ADAM23: variants seen among roughly 807,000 people sequenced by gnomAD.
ADAM23 encodes ADAM metallopeptidase domain 23.
ADAM23 carries 33 observed loss-of-function variants against 120.1 expected under a neutral mutation model. The ratio of observed to expected loss-of-function variants is 0.27; its 90% CI spans 0.21 to 0.37. The LOEUF is 0.37. ADAM23 is among the 10% of genes least tolerant of loss of function. The pLI is 1.00. For missense variants in ADAM23, 862 were observed against 1,058.2 expected, an observed-to-expected ratio of 0.81 and a Z score of 2.57; for synonymous variants, 367 against 375.2, an observed-to-expected ratio of 0.98 and a Z score of 0.25.
At chr2:206,603,376 C>G (rs1031858114) in intron 24 of ADAM23, among the ~76,000 whole-genome samples, 1 of 152,074 alleles carries the variant, frequency 6.6e-6, no homozygotes, top group Non-Finnish European at 1.5e-5. Context: ...AGAACAAAAG[C>G]AAAGCAGAAT....
At chr2:206,486,376 AT>A (rs1011131467) in intron 3 of ADAM23, among the ~76,000 whole-genome samples, 1 of 148,104 alleles carries the variant, frequency 6.8e-6, no homozygotes, top group Non-Finnish European at 1.5e-5. Flanking sequence ...CATTTTAGAT[AT>A]TTTTTATTTT....
chr2:206,496,751 C>T (rs545250474), intron 3 of ADAM23, among the ~76,000 whole-genome samples: 1 of 152,172 alleles, frequency 6.6e-6, no homozygotes, highest in East Asian at 1.9e-4. Flanking sequence ...TGATAGACTG[C>T]TAGCAAGACT....
chr2:206,546,742 A>G (rs1311701581), intron 6 of ADAM23, among the ~76,000 whole-genome samples: 1 of 152,160 alleles, frequency 6.6e-6, no homozygotes, highest in Non-Finnish European at 1.5e-5. Flanking sequence ...CTTTATTTGT[A>G]AAATAGGGAT....
chr2:206,609,946 C>A lies in ADAM23; in HGVS notation c.2396C>A (p.Ala799Asp). The change falls in exon 25 of 26, where the codon GCT (alanine) becomes GAT (aspartate). Residue 799 changes from alanine to aspartate, a missense_variant. Ala to Asp is a moderately radical substitution (Grantham distance 126, BLOSUM62 -2). Around this residue, in one of 4 missense-constraint regions of ADAM23, gnomAD observed 617 missense variants for 813.5 expected, o/e 0.76. Coordinates refer to ENST00000264377, the MANE Select transcript of ADAM23 (RefSeq NM_003812.4). ...ACCAATCTCATAATAGGCTCCATCGCTGGTGCCATCCTGGTAGCAGCTATT... is the reference window on the plus strand; with the variant it reads ...ACCAATCTCATAATAGGCTCCATCGATGGTGCCATCCTGGTAGCAGCTATT... ...SATNLIIGSI[A>D]GAILVAAIVL... is the part of the protein sequence containing the mutation. 6.2e-7 allele frequency: 1 copy of A among 1,601,002 alleles called. No individual in the cohort carries two copies. Among genetic ancestry groups the A allele is most frequent in the Non-Finnish European group, 8.5e-7 (1 of 1,175,782 alleles).
At position 206,485,827 on chromosome 2, in the gene ADAM23, A is replaced by G. The variant is rs116125849; in HGVS notation, c.509+4519A>G. On this transcript the variant is annotated intron_variant, in intron 3 of 25. Transcript: ENST00000264377. ...GAGAGGGACTGGAGGTGGGGTGTCC[A>G]GCATGATTTAGATGGTCAGAAGAAG... 5.4e-3 allele frequency among the ~76,000 whole-genome samples: 817 copies of G among 152,326 alleles called. 16 individuals are homozygous for G. Among genetic ancestry groups the G allele is most frequent in the African/African-American group, 0.019 (789 of 41,566 alleles).
At chr2:206,583,512 G>A (rs1288157877) in intron 18 of ADAM23, among the ~76,000 whole-genome samples, 1 of 150,578 alleles carries the variant, frequency 6.6e-6, no homozygotes, top group African/African-American at 2.4e-5. Context: ...TCTTTGGTTT[G>A]ATTGTTTAAC....
rs929676377 is a variant in ADAM23 at position 206,533,320 on chromosome 2, G to A, written c.573+2372G>A. On this transcript the variant is annotated intron_variant, in intron 4 of 25. Coordinates refer to ENST00000264377, the MANE Select transcript of ADAM23 (RefSeq NM_003812.4). Reference sequence around the variant, plus strand: ...GGTTTCAAGCGATTCTCCTGCCTCAGTCTCCCAAGTCGCTGGGATTACAGG... The same window carrying A: ...GGTTTCAAGCGATTCTCCTGCCTCAATCTCCCAAGTCGCTGGGATTACAGG... 2.6e-5 allele frequency among the ~76,000 whole-genome samples: 4 copies of A among 152,202 alleles called. 1 individual carries two copies. The highest frequency in any genetic ancestry group is 2.0e-4 in the Admixed American group (3 of 15,280).
At chr2:206,446,953 T>C (rs1433059731) in intron 2 of ADAM23, among the ~76,000 whole-genome samples, 1 of 152,228 alleles carries the variant, frequency 6.6e-6, no homozygotes, top group African/African-American at 2.4e-5. Flanking sequence ...GAATGAGACC[T>C]TTTAGAGTTA....
At position 206,542,158 on chromosome 2, in the gene ADAM23, T is replaced by G. The variant is rs761741640; in HGVS notation, c.656+24T>G. On this transcript the variant is annotated intron_variant, in intron 5 of 25. Transcript: ENST00000264377. ...CAGTAAGTGGGAATCTCATTGGCAT[T>G]TTATTCATTGACCCTTTCCAGTTTC... 3.1e-6 allele frequency: 5 copies of G among 1,605,568 alleles called. No individual in the cohort carries two copies. The South Asian group carries it at 3.3e-5, about 11-fold the overall frequency.
intron 2 of ADAM23, among the ~76,000 whole-genome samples, chr2:206,465,328 C>T (rs1362607289): frequency 1.3e-5 from 2 of 152,160 alleles, no homozygotes; most frequent in Non-Finnish European, 2.9e-5. Context: ...GTGTGAGCCA[C>T]TGCATCTGGC....
intron 3 of ADAM23, among the ~76,000 whole-genome samples, chr2:206,486,331 T>G (rs1175740845): frequency 6.6e-6 from 1 of 151,968 alleles, no homozygotes; most frequent in Admixed American, 6.5e-5. Context: ...GTAACGTTTC[T>G]TGTCTTTCCT....
Position 206,592,815 on chromosome 2 carries a change from A to T in ADAM23, c.2078+79A>T. The T allele has an allele frequency of 3.3e-6, 5 of 1,508,092 alleles. No individual in the cohort carries two copies. The South Asian group carries it at 6.2e-5, about 19-fold the overall frequency. The allele number at this position is 1,508,092 out of a possible 1,614,324, so 93.4% of individuals were successfully genotyped here. ...CAAAATGAAATTTCAAAAAAATCAG[A>T]AATCAAAGATTTTTCTAGTTTTTAC... On this transcript the variant is annotated intron_variant, in intron 22 of 25. Transcript: ENST00000264377.
At position 206,443,532 on chromosome 2, in the gene ADAM23, A is replaced by T. The variant is rs1241773471; in HGVS notation, c.-335A>T. The T allele has an allele frequency of 3.7e-5, 4 of 107,704 alleles. No individual in the cohort carries two copies. The highest frequency in any genetic ancestry group is 2.3e-5 in the Non-Finnish European group (1 of 43,920). The allele number at this position is 107,704 out of a possible 1,614,324, so 6.7% of individuals were successfully genotyped here. On this transcript the variant is annotated 5_prime_UTR_variant, in exon 1 of 26. Transcript: ENST00000264377. ...GCTCGCTCCCGCGCGCCGCCTCAGCATCCTCAGGCCCGGCGGCAGCCCCCG... is the reference window on the plus strand; with the variant it reads ...GCTCGCTCCCGCGCGCCGCCTCAGCTTCCTCAGGCCCGGCGGCAGCCCCCG...
At chr2:206,583,453 CAA>C (rs1207907566) in intron 18 of ADAM23, among the ~76,000 whole-genome samples, 24 of 78,460 alleles carry the variant, frequency 3.1e-4, no homozygotes, top group African/African-American at 2.4e-4. Context: ...GACTCCGTCT[CAA>C]AAAAAAAAAA....
At chr2:206,450,182 T>C (rs1215271753) in intron 2 of ADAM23, among the ~76,000 whole-genome samples, 1 of 152,138 alleles carries the variant, frequency 6.6e-6, no homozygotes, top group Non-Finnish European at 1.5e-5. Context: ...GGAACATAAA[T>C]TTTTATGACC....
intron 3 of ADAM23, among the ~76,000 whole-genome samples, chr2:206,503,006 A>G (rs1696422089): frequency 6.6e-6 from 1 of 152,170 alleles, no homozygotes; most frequent in African/African-American, 2.4e-5. Context: ...ATCAGGATGA[A>G]TAGAGCCCAT....
At chr2:206,455,983 T>TA (rs1174543483) in intron 2 of ADAM23, among the ~76,000 whole-genome samples, 20 of 152,322 alleles carry the variant, frequency 1.3e-4, no homozygotes, top group Non-Finnish European at 2.1e-4. Flanking sequence ...CTCCGCCTGT[T>TA]ACCCAGTTCC....
In ADAM23 at chr2:206,573,093, AATATTG is replaced by A; in HGVS notation, c.1657-20_1657-15del. ...GAAATATTATGTAATGCTAACTCTT[AATATTG>A]AATTTTGATTTGCAGTTTCAGCCAC... is the stretch of plus-strand genomic sequence containing the variant. On this transcript the variant is annotated splice_polypyrimidine_tract_variant and intron_variant, in intron 17 of 25. Coordinates refer to ENST00000264377, the MANE Select transcript of ADAM23 (RefSeq NM_003812.4). The A allele has an allele frequency of 6.2e-7, 1 of 1,611,158 alleles. No homozygotes were observed.
chr2:206,525,159 T>C (rs1696917862), intron 3 of ADAM23, among the ~76,000 whole-genome samples: 1 of 152,184 alleles, frequency 6.6e-6, no homozygotes, highest in Admixed American at 6.5e-5. Flanking sequence ...CATCCAGTTG[T>C]TAGGCCTTGG....
Sources: allele counts gnomAD v4.1 joint callset (sites outside exome capture counted in the v4.1 genomes callset), GRCh38; gene constraint gnomAD v4.1.1; regional missense constraint gnomAD v4.1.1; transcripts MANE v1.5; gene names NCBI Gene and HGNC (gene_info 2026-07-23, HGNC 2026-07-21).